RNF150: variants seen among roughly 807,000 people sequenced by gnomAD.
The protein encoded by RNF150 is ring finger protein 150.
A neutral mutation model predicts 39.3 loss-of-function variants in RNF150; 24 were observed. The ratio of observed to expected loss-of-function variants is 0.61; its 90% CI spans 0.44 to 0.86. The LOEUF (loss-of-function observed/expected upper bound fraction) is 0.86. RNF150 is among the 40% of genes least tolerant of loss of function. The pLI, the probability that RNF150 is intolerant of heterozygous loss-of-function variation, is 0.00. For missense variants in RNF150, 502 were observed against 587.8 expected (o/e 0.85, Z 1.51); for synonymous variants, 255 against 227.3 (o/e 1.12, Z -1.10).
chr4:141,012,893 T>C (rs921111922), intron 1 of RNF150, among the ~76,000 whole-genome samples: 1 of 147,912 alleles, frequency 6.8e-6, no homozygotes, highest in African/African-American at 2.5e-5. Flanking sequence ...AGGGAAGTAA[T>C]ATTAATTGAG....
intron 1 of RNF150, among the ~76,000 whole-genome samples, chr4:141,163,025 C>T (rs989098306): frequency 2.6e-5 from 4 of 152,280 alleles, no homozygotes; most frequent in East Asian, 1.9e-4. Context: ...CCCACCACCA[C>T]GGAGCCCAGC....
At chr4:141,196,823 C>G (rs533586769) in intron 1 of RNF150, among the ~76,000 whole-genome samples, 1 of 152,196 alleles carries the variant, frequency 6.6e-6, no homozygotes, top group Non-Finnish European at 1.5e-5. Context: ...TGCCTCAGCA[C>G]AAGTGACTGA....
At chr4:141,071,262 T>A (rs1053808803) in intron 1 of RNF150, among the ~76,000 whole-genome samples, 5 of 143,002 alleles carry the variant, frequency 3.5e-5, no homozygotes, top group Non-Finnish European at 7.6e-5. Context: ...GGGATAGCAT[T>A]GGGAGATATA....
intron 2 of RNF150, among the ~76,000 whole-genome samples, chr4:140,954,873 CAT>C (rs2111389301): frequency 6.6e-6 from 1 of 152,270 alleles, no homozygotes; most frequent in East Asian, 1.9e-4. Context: ...GATTCCAAAA[CAT>C]AGCATCAAAA....
intron 1 of RNF150, among the ~76,000 whole-genome samples, chr4:141,094,050 T>C (rs1738689687): frequency 6.6e-6 from 1 of 152,146 alleles, no homozygotes; most frequent in Admixed American, 6.5e-5. Flanking sequence ...GCTAAAGAGA[T>C]AATTAGTGAA....
chr4:141,063,671 A>T (rs3913896), intron 1 of RNF150, among the ~76,000 whole-genome samples: 63,336 of 152,072 alleles, frequency 0.42, 15,510 homozygotes, highest in Non-Finnish European at 0.56. Flanking sequence ...GACCAGACAA[A>T]ACTGGGTCTA....
intron 1 of RNF150, among the ~76,000 whole-genome samples, chr4:141,091,540 G>A (rs1400158242): frequency 6.6e-6 from 1 of 152,154 alleles, no homozygotes; most frequent in African/African-American, 2.4e-5. Context: ...AAACAGTTAA[G>A]TAGACTCCAC....
At chr4:141,092,226 C>G (rs916353874) in intron 1 of RNF150, among the ~76,000 whole-genome samples, 3 of 151,964 alleles carry the variant, frequency 2.0e-5, no homozygotes, top group Admixed American at 2.0e-4. Context: ...GCCTGTAATC[C>G]CAGCTACTTG....
At chr4:141,098,103 T>C (rs1459348363) in intron 1 of RNF150, among the ~76,000 whole-genome samples, 2 of 152,142 alleles carry the variant, frequency 1.3e-5, no homozygotes, top group African/African-American at 2.4e-5. Context: ...TATAAAACAC[T>C]AAAAATCTAC....
intron 1 of RNF150, among the ~76,000 whole-genome samples, chr4:141,107,917 G>T (rs944197898): frequency 6.6e-6 from 1 of 152,150 alleles, no homozygotes; most frequent in African/African-American, 2.4e-5. Flanking sequence ...GAATTTGCCA[G>T]TTCTATTCTT....
chr4:141,085,316 G>A (rs952562004), intron 1 of RNF150, among the ~76,000 whole-genome samples: 6 of 152,274 alleles, frequency 3.9e-5, no homozygotes, highest in East Asian at 1.9e-4. Context: ...TCCCTCCCAC[G>A]ACATGTGGGC....
intron 6 of RNF150, among the ~76,000 whole-genome samples, chr4:140,869,374 G>A (rs1287151133): frequency 6.6e-6 from 1 of 152,186 alleles, no homozygotes; most frequent in Non-Finnish European, 1.5e-5. Flanking sequence ...CATCTCTAGT[G>A]TTGGGATTTA....
chr4:140,906,678 TG>T (rs1414734765), intron 6 of RNF150, among the ~76,000 whole-genome samples: 8 of 152,224 alleles, frequency 5.3e-5, no homozygotes, highest in Admixed American at 5.2e-4. Context: ...TTAATTCATG[TG>T]TACTGCTTCC....
chr4:141,146,246 C>A (rs1483047872), intron 1 of RNF150, among the ~76,000 whole-genome samples: 1 of 152,126 alleles, frequency 6.6e-6, no homozygotes, highest in South Asian at 2.1e-4. Context: ...AATAATAGAG[C>A]CTTTGACCCT....
intron 1 of RNF150, among the ~76,000 whole-genome samples, chr4:141,048,480 C>A (rs1578668937): frequency 6.6e-6 from 1 of 152,034 alleles, no homozygotes; most frequent in Admixed American, 6.6e-5. Flanking sequence ...GGTATAATCC[C>A]AACACTTTGG....
chr4:141,097,312 TCAGA>T (rs1738827385), intron 1 of RNF150, among the ~76,000 whole-genome samples: 1 of 152,342 alleles, frequency 6.6e-6, no homozygotes, highest in African/African-American at 2.4e-5. Flanking sequence ...GCTTTGCAGC[TCAGA>T]CAATTAATTT....
Position 141,122,775 on chromosome 4 carries a change from A to C in RNF150, c.484+9550T>G, listed in dbSNP as rs1263484094. On this transcript the variant is annotated intron_variant, in intron 1 of 6. Transcript: ENST00000515673. The stretch of plus-strand genomic sequence containing the variant: ...TTTGATAAAAGTAAATGTAATGAAA[A>C]AATATTAGAGTGTGGATGGTTCTTA... 3.3e-5 allele frequency among the ~76,000 whole-genome samples: 5 copies of C among 152,352 alleles called. No homozygotes were observed. In the East Asian group the frequency reaches 5.8e-4, roughly 18 times the overall value.
intron 1 of RNF150, among the ~76,000 whole-genome samples, chr4:141,016,710 G>T (rs1457201535): frequency 9.9e-5 from 15 of 152,076 alleles, no homozygotes; most frequent in Non-Finnish European, 2.2e-4. Flanking sequence ...TCTGTAGTTG[G>T]CTGACAATCT....
rs571401194 is a variant in RNF150 at position 141,050,750 on chromosome 4, G to T, written c.484+81575C>A. Among the ~76,000 whole-genome samples the T allele has an allele frequency of 1.5e-4, 23 of 152,302 alleles. No homozygotes were observed. The East Asian group carries it at 4.1e-3, about 27-fold the overall frequency. On this transcript the variant is annotated intron_variant, in intron 1 of 6. Coordinates refer to ENST00000515673, the MANE Select transcript of RNF150 (RefSeq NM_020724.2). ...TATGCAGTGTACAGCCTCCCTCCTG[G>T]CTACTTTCACTGGTGGGTGTTGAGT...
Sources: allele counts gnomAD v4.1 joint callset (sites outside exome capture counted in the v4.1 genomes callset), GRCh38; gene constraint gnomAD v4.1.1; transcripts MANE v1.5; gene names NCBI Gene and HGNC (gene_info 2026-07-23, HGNC 2026-07-21).